PDCD10: variants seen among roughly 807,000 people sequenced by gnomAD.
The protein encoded by PDCD10 is programmed cell death protein 10.
A neutral mutation model predicts 29.2 loss-of-function variants in PDCD10; 4 were observed. That is an observed-to-expected ratio of 0.14 (90% CI 0.07 to 0.31). PDCD10 has a LOEUF of 0.31. Ranked by LOEUF, PDCD10 falls within the 10% of genes least tolerant of loss-of-function variation. The probability of loss-of-function intolerance (pLI) is 1.00; values close to 1 mark genes in which losing one functional copy is unlikely to be tolerated. For missense variants in PDCD10, 183 were observed against 257.9 expected, an observed-to-expected ratio of 0.71 and a Z score of 1.99; for synonymous variants, 70 against 82.2, an observed-to-expected ratio of 0.85 and a Z score of 0.80.
intron 6 of PDCD10, among the ~76,000 whole-genome samples, chr3:167,689,670 G>A (rs781067589): frequency 2.6e-5 from 4 of 152,028 alleles, no homozygotes; most frequent in Non-Finnish European, 5.9e-5. Flanking sequence ...ATTTTAAAAG[G>A]GGGTGGGGGG....
At chr3:167,698,189 T>C (rs1721003905) in intron 4 of PDCD10, among the ~76,000 whole-genome samples, 1 of 152,180 alleles carries the variant, frequency 6.6e-6, no homozygotes, top group South Asian at 2.1e-4. Flanking sequence ...TGAAGGGTTG[T>C]GGGATGAAAT....
intron 3 of PDCD10, among the ~76,000 whole-genome samples, chr3:167,712,694 C>T (rs906604864): frequency 2.0e-5 from 3 of 151,764 alleles, no homozygotes; most frequent in Admixed American, 2.0e-4. Flanking sequence ...AAAACAAGAA[C>T]AACCTGTTGC....
intron 3 of PDCD10, among the ~76,000 whole-genome samples, chr3:167,716,761 G>C (rs1723069244): frequency 6.6e-6 from 1 of 151,916 alleles, no homozygotes; most frequent in Middle Eastern, 3.2e-3. Context: ...GCATACTTTT[G>C]TGTAATTTAT....
chr3:167,720,502 T>C (rs1723459215), intron 2 of PDCD10, among the ~76,000 whole-genome samples: 1 of 152,078 alleles, frequency 6.6e-6, no homozygotes, highest in Admixed American at 6.6e-5. Context: ...CACAAAGCAG[T>C]GACTTAAGAC....
At chr3:167,695,867 C>G in intron 5 of PDCD10, 145 bp from the exon 6 acceptor site, 3 of 769,956 alleles carry the variant, frequency 3.9e-6, no homozygotes, top group Non-Finnish European at 4.5e-6. Context: ...AAGCAGAATT[C>G]ATTAGCGTTT....
At chr3:167,724,984 C>G (rs575775180) in intron 2 of PDCD10, among the ~76,000 whole-genome samples, 1 of 152,262 alleles carries the variant, frequency 6.6e-6, no homozygotes, top group South Asian at 2.1e-4. Flanking sequence ...CAGCTGGGCA[C>G]GGTGGCTCAT....
intron 4 of PDCD10, among the ~76,000 whole-genome samples, chr3:167,701,562 CAT>C (rs1436567305): frequency 4.6e-5 from 7 of 152,098 alleles, no homozygotes; most frequent in Admixed American, 4.6e-4. Context: ...CCCAGAACCC[CAT>C]GAGTTCAACA....
chr3:167,705,177 C>A (rs1721855465), intron 3 of PDCD10, among the ~76,000 whole-genome samples: 2 of 152,096 alleles, frequency 1.3e-5, no homozygotes, highest in Admixed American at 6.5e-5. Context: ...AACATCCTTA[C>A]TACACATGTT....
At chr3:167,726,145 G>T (rs1159965289) in intron 2 of PDCD10, among the ~76,000 whole-genome samples, 1 of 108,164 alleles carries the variant, frequency 9.2e-6, no homozygotes, top group Non-Finnish European at 1.8e-5. Context: ...TTTTGAGACA[G>T]AGTTTCACTC....
At chr3:167,707,522 CAAAA>C (rs201054541) in intron 3 of PDCD10, among the ~76,000 whole-genome samples, 2 of 150,588 alleles carry the variant, frequency 1.3e-5, no homozygotes, top group African/African-American at 4.9e-5. Flanking sequence ...ACTAAAAATA[CAAAA>C]AAAAATTAGC....
chr3:167,704,805 A>T, intron 4 of PDCD10, 37 bp downstream of exon 4: 1 of 1,383,908 alleles, frequency 7.2e-7, no homozygotes, highest in South Asian at 1.2e-5. Flanking sequence ...CAAAGAACAT[A>T]CACTTTAATA....
intron 3 of PDCD10, among the ~76,000 whole-genome samples, chr3:167,711,389 A>AAGAATGCATCAACCTCTTAATAGC (rs1333078402): frequency 6.6e-6 from 1 of 152,244 alleles, no homozygotes; most frequent in Admixed American, 6.5e-5. Flanking sequence ...TGGCATACTG[A>AAGAATGCATCAACCTCTTAATAGC]AGAATGCATC....
intron 6 of PDCD10, among the ~76,000 whole-genome samples, chr3:167,692,011 A>C (rs1342818728): frequency 1.3e-5 from 2 of 152,258 alleles, no homozygotes; most frequent in African/African-American, 4.8e-5. Context: ...TTGATTATAT[A>C]AACCTACTTC....
chr3:167,688,970 T>A (rs942243022), intron 6 of PDCD10, among the ~76,000 whole-genome samples: 5 of 152,158 alleles, frequency 3.3e-5, no homozygotes, highest in Admixed American at 6.5e-5. Context: ...TGATATTTTT[T>A]AAAAAAGTAT....
In PDCD10 at chr3:167,731,646, T is replaced by G. The variant is rs145274671; in HGVS notation, c.-117+2568A>C. The stretch of plus-strand genomic sequence containing the variant: ...TACTGAACCCTTACAATGTGCCAGG[T>G]ACTGCGTAAGTAGTGGGGTAAAACA... On this transcript the variant is annotated intron_variant, in intron 2 of 8. Transcript: ENST00000392750. Among the ~76,000 whole-genome samples, 347 of 152,324 alleles carry G rather than the reference T, an allele frequency of 2.3e-3. 2 individuals are homozygous for G. The highest frequency in any genetic ancestry group is 7.8e-3 in the African/African-American group (324 of 41,570).
At chr3:167,724,035 T>A (rs1010202317) in intron 2 of PDCD10, among the ~76,000 whole-genome samples, 2 of 152,202 alleles carry the variant, frequency 1.3e-5, no homozygotes, top group African/African-American at 4.8e-5. Flanking sequence ...AAATCTTTGG[T>A]GTTTCTGCCC....
chr3:167,691,517 A>G (rs895376384), intron 6 of PDCD10, among the ~76,000 whole-genome samples: 2 of 152,212 alleles, frequency 1.3e-5, no homozygotes, highest in African/African-American at 4.8e-5. Context: ...ATGTGCTGCT[A>G]ATAATGTGGT....
chr3:167,704,520 G>A (rs1332297476), intron 4 of PDCD10: 3 of 223,666 alleles, frequency 1.3e-5, no homozygotes, highest in South Asian at 1.2e-4. Context: ...GAGTCACCAC[G>A]CCCAGCCATA....
intron 3 of PDCD10, among the ~76,000 whole-genome samples, chr3:167,708,353 T>TTTG (rs199841699): frequency 2.0e-5 from 3 of 152,046 alleles, no homozygotes; most frequent in African/African-American, 4.8e-5. Flanking sequence ...AGCTGTGTGT[T>TTTG]TTGTTGTTGT....
Sources: gnomAD v4.1 joint callset for allele counts (sites outside exome capture counted in the v4.1 genomes callset) on GRCh38, gnomAD v4.1.1 for gene constraint, MANE v1.5 for transcripts, NCBI Gene and HGNC (gene_info 2026-07-23, HGNC 2026-07-21) for gene names.